Variants in GPHN observed in about 807,000 individuals in gnomAD.
GPHN encodes gephyrin.
GPHN carries 17 observed loss-of-function variants against 95.5 expected under a neutral mutation model. The observed-to-expected ratio is 0.18, with a 90% CI of 0.12 to 0.27. The LOEUF is 0.27. Ranked by LOEUF, GPHN falls within the 10% of genes least tolerant of loss-of-function variation. The pLI, the probability that GPHN is intolerant of heterozygous loss-of-function variation, is 1.00. For missense variants in GPHN, 660 were observed against 978.1 expected (o/e 0.67, Z 4.34); for synonymous variants, 320 against 322.5 (o/e 0.99, Z 0.08).
At chr14:67,577,551 C>G in the GPHN span, 96 of 630,990 alleles carry the variant, frequency 1.5e-4, no homozygotes, top group Non-Finnish European at 2.5e-4. Context: ...CCTATCACTT[C>G]CTGGATGGCA....
chr14:66,644,479 G>A (rs57472724), intron 1 of GPHN, among the ~76,000 whole-genome samples: 24,570 of 151,888 alleles, frequency 0.16, 3,845 homozygotes, highest in East Asian at 0.45. Context: ...CCTTTTAAGG[G>A]TATTTATCAC....
At chr14:67,683,669 G>C in the GPHN span, among the ~76,000 whole-genome samples, 2 of 152,184 alleles carry the variant, frequency 1.3e-5, no homozygotes, top group Admixed American at 1.3e-4. Context: ...CTAGAGAATG[G>C]ATGATAAGCA....
intron 1 of GPHN, among the ~76,000 whole-genome samples, chr14:66,562,741 A>G (rs1168113383): frequency 6.6e-6 from 1 of 152,134 alleles, no homozygotes; most frequent in Non-Finnish European, 1.5e-5. Context: ...TGCTCAGTAG[A>G]TTCTTCTAGT....
In GPHN at chr14:67,081,363, G is replaced by A. The variant is rs183889909; in HGVS notation, c.1145-7620G>A. 4.6e-5 allele frequency among the ~76,000 whole-genome samples: 7 copies of A among 151,952 alleles called. No homozygotes were observed. In the East Asian group the frequency reaches 1.2e-3, roughly 25 times the overall value. On this transcript the variant is annotated intron_variant, in intron 11 of 22. Transcript: ENST00000478722. ...GATTTGCATTTTCCTGATCATTGGCGATTTTTTTTATATATTTGTTGACCA... is the reference window on the plus strand; with the variant it reads ...GATTTGCATTTTCCTGATCATTGGCAATTTTTTTTATATATTTGTTGACCA...
chr14:67,555,701 T>A, the GPHN span: 2 of 1,407,142 alleles, frequency 1.4e-6, no homozygotes, highest in Admixed American at 4.2e-5. Flanking sequence ...CTCGAGCCAC[T>A]TGAGATGGGC....
intron 1 of GPHN, among the ~76,000 whole-genome samples, chr14:66,654,637 G>A (rs1049015026): frequency 1.3e-5 from 2 of 152,016 alleles, no homozygotes; most frequent in East Asian, 3.9e-4. Context: ...TTTTTCACAC[G>A]GTGAAAGTTT....
intron 8 of GPHN, among the ~76,000 whole-genome samples, chr14:66,963,766 T>C (rs1208287464): frequency 2.0e-5 from 3 of 152,116 alleles, no homozygotes; most frequent in African/African-American, 7.2e-5. Context: ...ATAAACCATA[T>C]AAAATTTCAA....
At chr14:66,753,167 A>C (rs2058434455) in intron 2 of GPHN, among the ~76,000 whole-genome samples, 1 of 151,994 alleles carries the variant, frequency 6.6e-6, no homozygotes, top group South Asian at 2.1e-4. Flanking sequence ...TCCTTGCCTT[A>C]TGAATTTGTA....
chr14:67,730,766 A>T, the GPHN span, among the ~76,000 whole-genome samples: 1 of 151,774 alleles, frequency 6.6e-6, no homozygotes, highest in African/African-American at 2.4e-5. Context: ...ACCACACCTG[A>T]CTAGTTTTTG....
At chr14:67,721,744 T>TATATATATATATGTATAACAC in the GPHN span, among the ~76,000 whole-genome samples, 1 of 812 alleles carries the variant, frequency 1.2e-3, no homozygotes, top group Non-Finnish European at 4.7e-3. Context: ...TGGGGATATA[T>TATATATATATATGTATAACAC]ATATATATAT....
chr14:67,504,745 C>G, the GPHN span, among the ~76,000 whole-genome samples: 1 of 151,998 alleles, frequency 6.6e-6, no homozygotes, highest in African/African-American at 2.4e-5. Flanking sequence ...ATTATCTGGG[C>G]GTGGTGGCGG....
chr14:67,221,947 C>A, the GPHN span: 1 of 1,049,220 alleles, frequency 9.5e-7, no homozygotes, highest in Non-Finnish European at 1.4e-6. Flanking sequence ...TCACTATGCT[C>A]CATTCTGAGA....
chr14:67,233,004 TA>T, the GPHN span, among the ~76,000 whole-genome samples: 17 of 152,314 alleles, frequency 1.1e-4, no homozygotes, highest in African/African-American at 3.8e-4. Context: ...AAAGTTCTTC[TA>T]AAATTATTCT....
downstream of GPHN, among the ~76,000 whole-genome samples, chr14:67,183,891 C>T (rs1262788844): frequency 1.3e-5 from 2 of 151,666 alleles, no homozygotes; most frequent in South Asian, 2.1e-4. Flanking sequence ...TTCACTCTGT[C>T]GCCCAGGCTG....
the GPHN span, among the ~76,000 whole-genome samples, chr14:67,261,695 A>G: frequency 2.6e-5 from 4 of 152,202 alleles, no homozygotes; most frequent in Non-Finnish European, 4.4e-5. Flanking sequence ...ATCACTTTAC[A>G]TATGTAGTAG....
At chr14:66,712,300 G>T (rs2069717673) in intron 2 of GPHN, among the ~76,000 whole-genome samples, 2 of 152,116 alleles carry the variant, frequency 1.3e-5, no homozygotes, top group Admixed American at 1.3e-4. Context: ...GCATGAGATG[G>T]TATCTCCTTG....
At position 66,923,003 on chromosome 14, in the gene GPHN, G is replaced by C. The variant is rs1048332975; in HGVS notation, c.729+65G>C. 3 of 1,375,668 alleles carry C rather than the reference G, an allele frequency of 2.2e-6. No homozygotes were observed. In the East Asian group the frequency reaches 6.8e-5, roughly 31 times the overall value. 85.2% of individuals were successfully genotyped at this position (1,375,668 alleles called of 1,614,324 possible). A position where few individuals can be genotyped will look rare whatever the true frequency, so the allele number is the denominator to read the frequency against. On this transcript the variant is annotated intron_variant, in intron 7 of 22. Coordinates refer to ENST00000478722, the MANE Select transcript of GPHN (RefSeq NM_020806.5). ...ACAGGTAAATGTACTGGTTTCATCTGTTTTGCATCGCATCCCTCCCTACAT... is the reference window on the plus strand; with the variant it reads ...ACAGGTAAATGTACTGGTTTCATCTCTTTTGCATCGCATCCCTCCCTACAT...
At chr14:67,733,141 A>C in the GPHN span, among the ~76,000 whole-genome samples, 63 of 146,386 alleles carry the variant, frequency 4.3e-4, no homozygotes, top group Admixed American at 1.8e-3. Context: ...ATTAAAAAAA[A>C]CAAAAAAAAA....
chr14:67,347,743 A>G, the GPHN span, among the ~76,000 whole-genome samples: 1 of 151,544 alleles, frequency 6.6e-6, no homozygotes, highest in South Asian at 2.1e-4. Flanking sequence ...CAGGTGATCC[A>G]CCCGCCTAAA....
Sources: allele counts gnomAD v4.1 joint callset (sites outside exome capture counted in the v4.1 genomes callset), GRCh38; gene constraint gnomAD v4.1.1; transcripts MANE v1.5; gene names NCBI Gene and HGNC (gene_info 2026-07-23, HGNC 2026-07-21).